Variants in LIPA observed in about 807,000 individuals in gnomAD.
LIPA encodes lysosomal acid lipase/cholesteryl ester hydrolase.
In LIPA, 26 loss-of-function variants were observed where a neutral mutation model predicts 40.6. That is an observed-to-expected ratio of 0.64 (90% CI 0.47 to 0.89). The LOEUF (loss-of-function observed/expected upper bound fraction) is 0.89. Ranked by LOEUF, LIPA falls within the 40% of genes least tolerant of loss-of-function variation. LIPA has a pLI of 0.00. For missense variants in LIPA, 455 were observed against 479.6 expected (o/e 0.95, Z 0.48); for synonymous variants, 188 against 168.4 (o/e 1.12, Z -0.90).
At chr10:89,266,419 G>T (rs1843236759) in intron 1 of LIPA, among the ~76,000 whole-genome samples, 1 of 152,188 alleles carries the variant, frequency 6.6e-6, no homozygotes, top group African/African-American at 2.4e-5. Flanking sequence ...TTTACTTTCT[G>T]ATGATGGTTC....
chr10:89,346,248 A>T (rs1843920089), upstream of LIPA, among the ~76,000 whole-genome samples: 1 of 152,196 alleles, frequency 6.6e-6, no homozygotes, highest in Non-Finnish European at 1.5e-5. Context: ...CCCTTTACGC[A>T]GCTTCCCATC....
intron 2 of LIPA, chr10:89,383,850 T>C (rs140309299): frequency 1.1e-5 from 17 of 1,614,200 alleles, no homozygotes; most frequent in Non-Finnish European, 1.4e-5. Flanking sequence ...AATTCAATAC[T>C]GGGTACGCAA....
intron 2 of LIPA, chr10:89,402,140 C>A: frequency 1.6e-6 from 1 of 635,984 alleles, no homozygotes; most frequent in East Asian, 2.8e-5. Context: ...CCATGAATAA[C>A]TTAAAAATAC....
At chr10:89,379,892 G>A (rs1339764688) in intron 2 of LIPA, among the ~76,000 whole-genome samples, 10 of 151,976 alleles carry the variant, frequency 6.6e-5, no homozygotes, top group Non-Finnish European at 1.3e-4. Flanking sequence ...AAAATTAGCC[G>A]GGAGTGGTGG....
intron 2 of LIPA, chr10:89,383,788 C>T (rs1244317367): frequency 1.2e-5 from 20 of 1,614,000 alleles, no homozygotes; most frequent in East Asian, 2.2e-5. Context: ...GAATTATGAA[C>T]GGGCCAAGAC....
intron 3 of LIPA, among the ~76,000 whole-genome samples, chr10:89,240,016 G>A (rs1371908323): frequency 6.6e-6 from 1 of 152,148 alleles, no homozygotes; most frequent in Non-Finnish European, 1.5e-5. Flanking sequence ...GCGAATTTTG[G>A]GAAATTATCC....
chr10:89,255,687 G>C (rs957773756), upstream of LIPA, among the ~76,000 whole-genome samples: 3 of 152,210 alleles, frequency 2.0e-5, no homozygotes, highest in African/African-American at 7.2e-5. Flanking sequence ...TAGCATCAAG[G>C]ATGGCACTAA....
chr10:89,364,810 C>T (rs895046583), intron 2 of LIPA, among the ~76,000 whole-genome samples: 1 of 152,060 alleles, frequency 6.6e-6, no homozygotes, highest in African/African-American at 2.4e-5. Flanking sequence ...TGCTCTTTCT[C>T]TGTATCCAAA....
intron 1 of LIPA, chr10:89,307,557 T>C (rs1013947824): frequency 3.7e-6 from 2 of 539,546 alleles, no homozygotes; most frequent in Admixed American, 6.6e-5. Context: ...GCCCAAGGAG[T>C]TCTGGGAGAG....
intron 1 of LIPA, among the ~76,000 whole-genome samples, chr10:89,327,087 T>C (rs764793940): frequency 6.6e-6 from 1 of 152,104 alleles, no homozygotes; most frequent in Non-Finnish European, 1.5e-5. Context: ...GTTGAAAGAG[T>C]TATTATCAAT....
chr10:89,291,649 T>G (rs1843375768), intron 1 of LIPA, among the ~76,000 whole-genome samples: 1 of 152,092 alleles, frequency 6.6e-6, no homozygotes, highest in Admixed American at 6.6e-5. Context: ...ATGAGCTGAG[T>G]GCAATGATTC....
At chr10:89,410,794 T>C (rs981385696) in intron 2 of LIPA, among the ~76,000 whole-genome samples, 1 of 151,868 alleles carries the variant, frequency 6.6e-6, no homozygotes, top group Non-Finnish European at 1.5e-5. Context: ...CCCAAGGAGG[T>C]GGCAGTCTTA....
intron 1 of LIPA, among the ~76,000 whole-genome samples, chr10:89,265,379 TG>T (rs1843230673): frequency 6.6e-6 from 1 of 152,128 alleles, no homozygotes; most frequent in Admixed American, 6.5e-5. Flanking sequence ...TACACAGTCC[TG>T]GTCACACCTC....
intron 1 of LIPA, among the ~76,000 whole-genome samples, chr10:89,280,111 A>G (rs1364628017): frequency 2.0e-5 from 3 of 152,220 alleles, no homozygotes; most frequent in African/African-American, 7.2e-5. Flanking sequence ...AGAGATACCC[A>G]AGATTTATCA....
intron 1 of LIPA, among the ~76,000 whole-genome samples, chr10:89,282,400 G>A (rs1843320395): frequency 6.6e-6 from 1 of 152,102 alleles, no homozygotes; most frequent in South Asian, 2.1e-4. Context: ...CACTTTGGGA[G>A]GCTGAGGCAG....
chr10:89,384,250 C>T (rs753893299), intron 2 of LIPA: 2 of 1,614,074 alleles, frequency 1.2e-6, no homozygotes, highest in Non-Finnish European at 1.7e-6. Flanking sequence ...GCCTAGAGGG[C>T]AAGATAGGGA....
At chr10:89,238,738 T>C (rs1430032316) in intron 3 of LIPA, among the ~76,000 whole-genome samples, 1 of 152,206 alleles carries the variant, frequency 6.6e-6, no homozygotes, top group Admixed American at 6.5e-5. Context: ...CTTATAACAT[T>C]TTCTTTTCTC....
At chr10:89,352,812 T>C (rs1429175644) in intron 2 of LIPA, among the ~76,000 whole-genome samples, 3 of 140,388 alleles carry the variant, frequency 2.1e-5, no homozygotes. Flanking sequence ...AAAAAAAAGC[T>C]ACATACTTCC....
chr10:89,236,353 C>G (rs1842904566), intron 3 of LIPA, among the ~76,000 whole-genome samples: 1 of 149,752 alleles, frequency 6.7e-6, no homozygotes, highest in Non-Finnish European at 1.5e-5. Flanking sequence ...TAAATATCTG[C>G]TTAAATTTCT....
Sources: allele counts gnomAD v4.1 joint callset (sites outside exome capture counted in the v4.1 genomes callset), GRCh38; gene constraint gnomAD v4.1.1; transcripts MANE v1.5; gene names NCBI Gene and HGNC (gene_info 2026-07-23, HGNC 2026-07-21).